RBM6: variants seen among roughly 807,000 people sequenced by gnomAD.
RBM6 encodes RNA-binding protein 6.
Under a neutral mutation model 140.4 loss-of-function variants are expected in RBM6, and 23 were observed. The ratio of observed to expected loss-of-function variants is 0.16; its 90% CI spans 0.12 to 0.23. The LOEUF is 0.23. Among genes scored for constraint, RBM6 ranks in the 10% least tolerant of loss-of-function variants. RBM6 has a pLI of 1.00. For synonymous variants in RBM6, 439 were observed against 475.6 expected, an observed-to-expected ratio of 0.92 and a Z score of 1.00; for missense variants, 1,139 against 1,386.7, an observed-to-expected ratio of 0.82 and a Z score of 2.84.
intron 1 of RBM6, among the ~76,000 whole-genome samples, chr3:49,960,494 A>G (rs2084233659): frequency 6.6e-6 from 1 of 152,150 alleles, no homozygotes; most frequent in Admixed American, 6.6e-5. Context: ...TACTCTCTTG[A>G]TAGTGTCCTT....
chr3:50,033,675 C>T (rs1439507084), intron 6 of RBM6, among the ~76,000 whole-genome samples: 2 of 152,026 alleles, frequency 1.3e-5, no homozygotes. Context: ...GAGATGGAGT[C>T]TCGCTCTGTC....
chr3:50,057,616 C>T, intron 8 of RBM6, 112 bp from the exon 9 acceptor site: 1 of 644,994 alleles, frequency 1.6e-6, no homozygotes, highest in Non-Finnish European at 2.4e-6. Context: ...AAAAGGCATT[C>T]CAGTATGAGT....
At chr3:50,072,068 A>G (rs2090317473) in intron 19 of RBM6, among the ~76,000 whole-genome samples, 1 of 132,012 alleles carries the variant, frequency 7.6e-6, no homozygotes, top group Admixed American at 8.4e-5. Context: ...TGGGTGACAG[A>G]GCAAGACTCT....
intron 1 of RBM6, among the ~76,000 whole-genome samples, chr3:49,949,475 C>T (rs1312075882): frequency 2.0e-5 from 3 of 152,066 alleles, no homozygotes; most frequent in Admixed American, 2.0e-4. Flanking sequence ...TCATTGCAAC[C>T]TCTGCCTCCC....
At chr3:49,966,113 G>A (rs559198577) in intron 2 of RBM6, among the ~76,000 whole-genome samples, 26 of 152,264 alleles carry the variant, frequency 1.7e-4, no homozygotes, top group African/African-American at 6.3e-4. Context: ...GCAACAGAGC[G>A]AGACTCCGTC....
intron 6 of RBM6, among the ~76,000 whole-genome samples, chr3:50,036,902 C>G (rs1448954444): frequency 6.6e-6 from 1 of 152,176 alleles, no homozygotes; most frequent in Non-Finnish European, 1.5e-5. Context: ...CTGCCTCAGC[C>G]TCCCAAGTAA....
intron 1 of RBM6, among the ~76,000 whole-genome samples, chr3:49,949,565 G>T (rs2108579884): frequency 6.6e-6 from 1 of 152,110 alleles, no homozygotes; most frequent in South Asian, 2.1e-4. Context: ...GCTAATTTCT[G>T]TATTTTTAGT....
chr3:49,967,835 G>T lies in RBM6; in HGVS notation c.410G>T (p.Gly137Val). Residue 137 changes from glycine to valine, a missense_variant, in exon 3 of 21, where the codon GGT (glycine) becomes GTT (valine). By Grantham distance (109) the Gly-to-Val change is moderately radical. Around this residue, in one of 9 missense-constraint regions of RBM6, gnomAD observed 566 missense variants for 612.7 expected, o/e 0.92. Coordinates refer to ENST00000266022, the MANE Select transcript of RBM6 (RefSeq NM_005777.3). This position sits in a 1 kb window ranked among gnomAD's most constrained non-coding sequence, Gnocchi z 4.0. ...DREGPPMDYRGGDGTSMDYRG... is the reference protein window; with the variant it reads ...DREGPPMDYRVGDGTSMDYRG... The stretch of plus-strand genomic sequence containing the variant: ...GAAGGACCACCTATGGACTATAGGG[G>T]TGGAGATGGTACTTCTATGGATTAT... 1 of 1,614,120 alleles carries T rather than the reference G, an allele frequency of 6.2e-7. No individual in the cohort carries two copies. Among genetic ancestry groups the T allele is most frequent in the South Asian group, 1.1e-5 (1 of 91,074 alleles).
At chr3:49,954,952 G>A (rs1347378835) in intron 1 of RBM6, among the ~76,000 whole-genome samples, 1 of 151,738 alleles carries the variant, frequency 6.6e-6, no homozygotes, top group East Asian at 1.9e-4. Context: ...GTAGAGACAG[G>A]GTTTCACTGT....
chr3:49,984,011 G>A (rs953998061), intron 5 of RBM6, among the ~76,000 whole-genome samples: 4 of 152,110 alleles, frequency 2.6e-5, no homozygotes, highest in South Asian at 2.1e-4. Flanking sequence ...AAAATTTCCC[G>A]CTGGGCACAG....
intron 1 of RBM6, among the ~76,000 whole-genome samples, chr3:49,947,747 A>AT (rs778358210): frequency 1.3e-5 from 2 of 152,006 alleles, no homozygotes; most frequent in Non-Finnish European, 2.9e-5. Context: ...TTTTTTATAT[A>AT]TTTTTGTTGT....
chr3:50,071,220 C>T (rs2090288890), intron 19 of RBM6, among the ~76,000 whole-genome samples: 1 of 152,054 alleles, frequency 6.6e-6, no homozygotes, highest in Admixed American at 6.6e-5. Context: ...TGAGGAGTTG[C>T]AAATAGTTTG....
chr3:50,047,205 C>T (rs2089264255), intron 6 of RBM6: 1 of 985,036 alleles, frequency 1.0e-6, no homozygotes, highest in Non-Finnish European at 1.2e-6. Context: ...AAGCAAGAAA[C>T]TGAGGTCCAA....
At chr3:50,036,984 C>T (rs977470947) in intron 6 of RBM6, among the ~76,000 whole-genome samples, 2 of 151,996 alleles carry the variant, frequency 1.3e-5, no homozygotes, top group Non-Finnish European at 2.9e-5. Context: ...CGGGGCTTCA[C>T]CATGTTGGCC....
chr3:49,958,441 C>T lies in RBM6; in HGVS notation c.-66-4135C>T, dbSNP rs144677868. 2.9e-4 allele frequency among the ~76,000 whole-genome samples: 44 copies of T among 152,108 alleles called. No homozygotes were observed. The South Asian group carries it at 3.7e-3, about 13-fold the overall frequency. The stretch of plus-strand genomic sequence containing the variant: ...CAAAAAAAACTATTAGCTGGCATTG[C>T]GGTGGGCACCTGTAGTCCCAGCTAC... On this transcript the variant is annotated intron_variant, in intron 1 of 20. Transcript: ENST00000266022.
In RBM6 at chr3:49,967,500, G is replaced by C. The variant is rs1182981489; in HGVS notation, c.75G>C (p.Gly25=). Residue 25 remains glycine (G), a synonymous_variant, in exon 3 of 21, where the codon GGG becomes GGC. Transcript: ENST00000266022. The surrounding 1 kb of genome is among the most constrained non-coding windows in gnomAD (Gnocchi z 4.0). ...GCCAAGAAGAAAGGTTTGCTCCCGGGTGGAACAGGGATTATCCTCCTCCTC... is the reference window on the plus strand; with the variant it reads ...GCCAAGAAGAAAGGTTTGCTCCCGGCTGGAACAGGGATTATCCTCCTCCTC... ...RGSQEERFAP[G]WNRDYPPPPL... The C allele has an allele frequency of 3.1e-6, 5 of 1,613,826 alleles. No homozygotes were observed.
intron 2 of RBM6, among the ~76,000 whole-genome samples, chr3:49,965,731 A>G (rs900448864): frequency 6.6e-6 from 1 of 151,958 alleles, no homozygotes; most frequent in Non-Finnish European, 1.5e-5. Context: ...CATAGACATA[A>G]CTAGTGTTAA....
At chr3:49,977,953 A>AAT (rs2085131506) in intron 5 of RBM6, among the ~76,000 whole-genome samples, 1 of 152,168 alleles carries the variant, frequency 6.6e-6, no homozygotes, top group South Asian at 2.1e-4. Flanking sequence ...CTTGTCTCTT[A>AAT]AAAAGAAAAA....
intron 7 of RBM6, among the ~76,000 whole-genome samples, chr3:50,048,984 G>C (rs967728602): frequency 2.6e-5 from 4 of 151,382 alleles, no homozygotes; most frequent in African/African-American, 9.7e-5. Context: ...TGTATTTTTA[G>C]TAGAGATGGG....
Sources: allele counts gnomAD v4.1 joint callset (sites outside exome capture counted in the v4.1 genomes callset), GRCh38; gene constraint gnomAD v4.1.1; regional missense constraint gnomAD v4.1.1; non-coding constraint Gnocchi (gnomAD v3.1); transcripts MANE v1.5; gene names NCBI Gene and HGNC (gene_info 2026-07-23, HGNC 2026-07-21).